Variants in OTOGL observed in about 807,000 individuals in gnomAD.
The protein encoded by OTOGL is otogelin like.
Under a neutral mutation model 318.5 loss-of-function variants are expected in OTOGL, and 285 were observed. The observed-to-expected ratio is 0.89, with a 90% CI of 0.81 to 0.99. The LOEUF is 0.99. Ranked by LOEUF, OTOGL falls within the 50% of genes least tolerant of loss-of-function variation. OTOGL has a pLI of 0.00. For synonymous variants in OTOGL, 987 were observed against 936.5 expected (o/e 1.05, Z -0.99); for missense variants, 2,899 against 2,845.6 (o/e 1.02, Z -0.43).
intron 45 of OTOGL, among the ~76,000 whole-genome samples, 167 bp downstream of exon 45, chr12:80,352,603 C>G (rs1163387505): frequency 1.3e-5 from 2 of 152,142 alleles, no homozygotes; most frequent in Non-Finnish European, 2.9e-5. Context: ...AGAAATAAAA[C>G]AGTCACACAT....
At chr12:80,238,825 T>A (rs1198603620) in intron 9 of OTOGL, 26 bp from the exon 10 acceptor site, 2 of 1,503,646 alleles carry the variant, frequency 1.3e-6, no homozygotes, top group Non-Finnish European at 1.8e-6. Flanking sequence ...TTTGTGTGTG[T>A]GTGTGTGTGT....
At chr12:80,120,428 T>C (rs1343522429) in intron 1 of OTOGL, among the ~76,000 whole-genome samples, 3 of 152,152 alleles carry the variant, frequency 2.0e-5, no homozygotes, top group African/African-American at 4.8e-5. Flanking sequence ...CCTGTTGTTA[T>C]ATAATTAGCA....
At chr12:80,302,590 A>G in intron 27 of OTOGL, 44 bp from the exon 28 acceptor site, 1 of 1,205,290 alleles carries the variant, frequency 8.3e-7, no homozygotes, top group Non-Finnish European at 1.1e-6. Context: ...TTTTGGTTAG[A>G]GAACTTACTA....
intron 6 of OTOGL, among the ~76,000 whole-genome samples, chr12:80,220,359 A>G (rs1878187921): frequency 6.6e-6 from 1 of 151,984 alleles, no homozygotes; most frequent in African/African-American, 2.4e-5. Context: ...GGGTTTCACC[A>G]TGTTGGCCAG....
chr12:80,344,274 G>A (rs544340884), intron 44 of OTOGL, among the ~76,000 whole-genome samples: 2 of 152,274 alleles, frequency 1.3e-5, no homozygotes, highest in African/African-American at 4.8e-5. Context: ...GAACTTGAAA[G>A]GTTGGTTATA....
intron 32 of OTOGL, among the ~76,000 whole-genome samples, chr12:80,317,367 T>C (rs911559605): frequency 6.6e-6 from 1 of 152,174 alleles, no homozygotes; most frequent in Non-Finnish European, 1.5e-5. Context: ...AGCTACCAAT[T>C]AACTGAGAGT....
chr12:80,118,864 GTT>G (rs57197692), intron 1 of OTOGL, among the ~76,000 whole-genome samples: 17 of 130,546 alleles, frequency 1.3e-4, no homozygotes, highest in African/African-American at 2.2e-4. Flanking sequence ...TCTTAGATCT[GTT>G]TTTTTTTTTT....
chr12:80,119,328 A>AGTTCGCAGTCAGAAGCAGTCAATC (rs1870350784), intron 1 of OTOGL, among the ~76,000 whole-genome samples: 1 of 152,216 alleles, frequency 6.6e-6, no homozygotes, highest in Non-Finnish European at 1.5e-5. Context: ...AGCAGTCAAT[A>AGTTCGCAGTCAGAAGCAGTCAATC]GTTCACAGTC....
chr12:80,358,946 G>A (rs369365897), intron 52 of OTOGL, 46 bp downstream of exon 52: 8 of 1,362,340 alleles, frequency 5.9e-6, no homozygotes, highest in Admixed American at 4.7e-5. Context: ...ATTTAAATCT[G>A]TTTATTCTTC....
intron 1 of OTOGL, chr12:80,189,438 AG>A (rs1428835369): frequency 1.0e-6 from 1 of 985,286 alleles, no homozygotes; most frequent in East Asian, 1.1e-4. Context: ...AAGTTTGTCA[AG>A]TCTCATAAGA....
chr12:80,212,121 G>A, intron 4 of OTOGL, 124 bp downstream of exon 4: 2 of 989,684 alleles, frequency 2.0e-6, no homozygotes, highest in Non-Finnish European at 2.9e-6. Context: ...AGACAGGAAG[G>A]AGGAGGAAGA....
chr12:80,199,752 A>G (rs1200661461), intron 1 of OTOGL, among the ~76,000 whole-genome samples: 2 of 152,158 alleles, frequency 1.3e-5, no homozygotes, highest in Non-Finnish European at 2.9e-5. Context: ...TCTTTGTGAG[A>G]TATTTGTGTG....
chr12:80,252,233 C>G, intron 13 of OTOGL, 32 bp downstream of exon 13: 1 of 1,580,652 alleles, frequency 6.3e-7, no homozygotes, highest in East Asian at 2.3e-5. Flanking sequence ...CATGTCTGCA[C>G]TCATGGAAAC....
In OTOGL at chr12:80,172,752, G is replaced by A. The variant is rs547139935; in HGVS notation, c.-19-36661G>A. Among the ~76,000 whole-genome samples the A allele has an allele frequency of 3.3e-5, 5 of 152,230 alleles. No individual in the cohort carries two copies. The South Asian group carries it at 8.3e-4, about 25-fold the overall frequency. On this transcript the variant is annotated intron_variant, in intron 1 of 58. Transcript: ENST00000547103. Reference sequence around the variant, plus strand: ...TTTGCAGGCACGATCTCGGCTCACCGCAGCCTCTGCCTCTTGGGTTCAAGC... The same window carrying A: ...TTTGCAGGCACGATCTCGGCTCACCACAGCCTCTGCCTCTTGGGTTCAAGC...
intron 24 of OTOGL, among the ~76,000 whole-genome samples, chr12:80,276,981 G>A (rs1236939072): frequency 2.6e-5 from 4 of 151,090 alleles, no homozygotes; most frequent in Non-Finnish European, 5.9e-5. Context: ...AGAATTCAGG[G>A]TTCCTGAATT....
At chr12:80,279,559 G>A (rs1884062642) in intron 26 of OTOGL, among the ~76,000 whole-genome samples, 1 of 151,610 alleles carries the variant, frequency 6.6e-6, no homozygotes, top group Non-Finnish European at 1.5e-5. Context: ...TTGGTTTTCT[G>A]TTCCTGTGTT....
intron 1 of OTOGL, among the ~76,000 whole-genome samples, chr12:80,122,546 G>T (rs138920855): frequency 6.6e-6 from 1 of 152,264 alleles, no homozygotes; most frequent in Non-Finnish European, 1.5e-5. Context: ...AAAAAATCCA[G>T]ATGTAAATTC....
chr12:80,182,764 G>T (rs1348106407), intron 1 of OTOGL, among the ~76,000 whole-genome samples: 1 of 152,212 alleles, frequency 6.6e-6, no homozygotes, highest in Non-Finnish European at 1.5e-5. Flanking sequence ...AAGAAGCTCA[G>T]GATGGCTGAA....
chr12:80,278,918 A>T, intron 25 of OTOGL, 110 bp from the exon 26 acceptor site: 2 of 1,247,516 alleles, frequency 1.6e-6, no homozygotes, highest in Admixed American at 1.9e-5. Flanking sequence ...TTCGTAAGGG[A>T]TATTGACTCA....
Sources: gnomAD v4.1 joint callset for allele counts (sites outside exome capture counted in the v4.1 genomes callset) on GRCh38, gnomAD v4.1.1 for gene constraint, MANE v1.5 for transcripts, NCBI Gene and HGNC (gene_info 2026-07-23, HGNC 2026-07-21) for gene names.